HPSE2: variants seen among roughly 807,000 people sequenced by gnomAD.
HPSE2 encodes the protein heparanase 2 (inactive).
A neutral mutation model predicts 60.5 loss-of-function variants in HPSE2; 38 were observed. The ratio of observed to expected loss-of-function variants is 0.63; its 90% CI spans 0.48 to 0.82. The LOEUF (loss-of-function observed/expected upper bound fraction) is 0.82, where lower values mean the gene tolerates loss of function less well. Ranked by LOEUF, HPSE2 falls within the 40% of genes least tolerant of loss-of-function variation. HPSE2 has a pLI of 0.00. For synonymous variants in HPSE2, 295 were observed against 293.2 expected, an observed-to-expected ratio of 1.01 and a Z score of -0.06; for missense variants, 713 against 740.4, an observed-to-expected ratio of 0.96 and a Z score of 0.43.
intron 2 of HPSE2, among the ~76,000 whole-genome samples, chr10:99,198,170 C>T (rs1027204768): frequency 6.6e-6 from 1 of 152,016 alleles, no homozygotes; most frequent in Non-Finnish European, 1.5e-5. Context: ...ACAGCAAAGG[C>T]CCAGTTTCAA....
At chr10:99,151,315 A>T (rs1846255303) in intron 2 of HPSE2, among the ~76,000 whole-genome samples, 1 of 152,274 alleles carries the variant, frequency 6.6e-6, no homozygotes, top group African/African-American at 2.4e-5. Flanking sequence ...AAGATAAAAA[A>T]GACCAAGGAA....
chr10:98,549,319 A>G (rs922200899), intron 9 of HPSE2, among the ~76,000 whole-genome samples: 3 of 152,282 alleles, frequency 2.0e-5, no homozygotes, highest in South Asian at 2.1e-4. Flanking sequence ...AGAGCCTGAT[A>G]TTCCATAAAA....
intron 3 of HPSE2, among the ~76,000 whole-genome samples, chr10:99,077,345 T>C (rs1322618407): frequency 6.6e-6 from 1 of 152,214 alleles, no homozygotes; most frequent in East Asian, 1.9e-4. Context: ...ATTCATAATA[T>C]GTCTCTTGGT....
At chr10:99,033,762 G>A (rs772858387) in intron 3 of HPSE2, among the ~76,000 whole-genome samples, 3 of 151,628 alleles carry the variant, frequency 2.0e-5, no homozygotes, top group African/African-American at 7.3e-5. Context: ...ACTCCAGCCT[G>A]AGTGACAGAG....
chr10:98,697,170 G>A (rs1353249541), intron 5 of HPSE2, among the ~76,000 whole-genome samples: 1 of 152,192 alleles, frequency 6.6e-6, no homozygotes, highest in Non-Finnish European at 1.5e-5. Context: ...ATTGACAGAA[G>A]TAGGCTTCAT....
At chr10:98,950,294 G>C (rs1252463057) in intron 3 of HPSE2, among the ~76,000 whole-genome samples, 1 of 152,108 alleles carries the variant, frequency 6.6e-6, no homozygotes, top group African/African-American at 2.4e-5. Context: ...CAAGTCACTA[G>C]ATCCAGCCCA....
chr10:99,147,314 A>G (rs1846091104), intron 2 of HPSE2, among the ~76,000 whole-genome samples: 1 of 152,242 alleles, frequency 6.6e-6, no homozygotes, highest in Non-Finnish European at 1.5e-5. Context: ...TACTGTTACA[A>G]TGGTATTCCA....
At chr10:98,472,517 A>G (rs966421162) in intron 11 of HPSE2, among the ~76,000 whole-genome samples, 2 of 152,202 alleles carry the variant, frequency 1.3e-5, no homozygotes, top group South Asian at 2.1e-4. Context: ...TTTGTAAAAA[A>G]TTATCCTATT....
intron 2 of HPSE2, among the ~76,000 whole-genome samples, chr10:99,179,566 A>T (rs1847672992): frequency 6.6e-6 from 1 of 152,142 alleles, no homozygotes; most frequent in African/African-American, 2.4e-5. Flanking sequence ...GATGTGAAGG[A>T]CCTCTTCAAG....
chr10:99,196,306 T>G lies in HPSE2; in HGVS notation c.448+36042A>C, dbSNP rs192026971. Among the ~76,000 whole-genome samples, 202 of 152,196 alleles carry G rather than the reference T, an allele frequency of 1.3e-3. 2 individuals are homozygous for G. Among genetic ancestry groups the G allele is most frequent in the Non-Finnish European group, 1.7e-3 (114 of 67,970 alleles). Reference sequence around the variant, plus strand: ...TAGGACATTGGTCTGGGCAAAAAATTGTTGAGTAATACCCCACAAACACAG... The same window carrying G: ...TAGGACATTGGTCTGGGCAAAAAATGGTTGAGTAATACCCCACAAACACAG... On this transcript the variant is annotated intron_variant, in intron 2 of 11. Transcript: ENST00000370552.
At chr10:98,502,982 C>T (rs939665500) in intron 9 of HPSE2, among the ~76,000 whole-genome samples, 3 of 152,164 alleles carry the variant, frequency 2.0e-5, no homozygotes, top group South Asian at 2.1e-4. Context: ...GAGGCCGAGG[C>T]GGGTGGATCA....
At chr10:99,300,094 C>A in the HPSE2 span, among the ~76,000 whole-genome samples, 1 of 151,628 alleles carries the variant, frequency 6.6e-6, no homozygotes, top group Non-Finnish European at 1.5e-5. Flanking sequence ...CCCCCTACTG[C>A]CTCAGGGTTA....
chr10:99,065,506 C>T (rs776743354), intron 3 of HPSE2, among the ~76,000 whole-genome samples: 3 of 152,100 alleles, frequency 2.0e-5, no homozygotes, highest in Non-Finnish European at 4.4e-5. Flanking sequence ...CATGAAGCCC[C>T]CACATTCCCA....
intron 11 of HPSE2, among the ~76,000 whole-genome samples, chr10:98,479,364 CAG>C (rs981317423): frequency 3.9e-5 from 6 of 152,206 alleles, no homozygotes; most frequent in Admixed American, 1.3e-4. Context: ...ACACAGAACA[CAG>C]AGTCTGGCCC....
chr10:99,272,375 G>C, the HPSE2 span, among the ~76,000 whole-genome samples: 4 of 151,740 alleles, frequency 2.6e-5, no homozygotes, highest in Non-Finnish European at 5.9e-5. Flanking sequence ...CTTTGGCAAA[G>C]ACTTCACAAC....
intron 2 of HPSE2, among the ~76,000 whole-genome samples, chr10:99,212,250 A>G (rs1848977256): frequency 1.3e-5 from 2 of 152,148 alleles, no homozygotes; most frequent in African/African-American, 4.8e-5. Context: ...TAGAGCCATT[A>G]TGGAAAACAG....
intron 3 of HPSE2, among the ~76,000 whole-genome samples, chr10:99,104,558 T>G (rs982026195): frequency 6.6e-6 from 1 of 152,200 alleles, no homozygotes; most frequent in Non-Finnish European, 1.5e-5. Context: ...CATCCCATTA[T>G]TGGGTATATA....
At position 98,521,214 on chromosome 10, in the gene HPSE2, T is replaced by G. The variant is rs1942780477; in HGVS notation, c.1321-31018A>C. Among the ~76,000 whole-genome samples, 5 of 152,216 alleles carry G rather than the reference T, an allele frequency of 3.3e-5. No homozygotes were observed. In the South Asian group the frequency reaches 6.2e-4, roughly 19 times the overall value. On this transcript the variant is annotated intron_variant, in intron 9 of 11. Transcript: ENST00000370552. ...CAGAGTGAACAGGCAACCTACAGAA[T>G]GGAAGAAAATTTTTGCAATCTACCC...
At chr10:98,480,236 C>T (rs1941183279) in intron 11 of HPSE2, among the ~76,000 whole-genome samples, 1 of 151,978 alleles carries the variant, frequency 6.6e-6, no homozygotes, top group South Asian at 2.1e-4. Flanking sequence ...TGCTCACCAC[C>T]ACACCTGGCT....
Sources: gnomAD v4.1 joint callset for allele counts (sites outside exome capture counted in the v4.1 genomes callset) on GRCh38, gnomAD v4.1.1 for gene constraint, MANE v1.5 for transcripts, NCBI Gene and HGNC (gene_info 2026-07-23, HGNC 2026-07-21) for gene names.